CNTN4: variants seen among roughly 807,000 people sequenced by gnomAD.
The protein encoded by CNTN4 is contactin 4.
In CNTN4, 77 loss-of-function variants were observed where a neutral mutation model predicts 122.5. That is an observed-to-expected ratio of 0.63 (90% CI 0.52 to 0.76). CNTN4 has a LOEUF of 0.76. CNTN4 is among the 30% of genes least tolerant of loss of function. The pLI is 0.00. For synonymous variants in CNTN4, 512 were observed against 447.0 expected, an observed-to-expected ratio of 1.15 and a Z score of -1.83; for missense variants, 1,256 against 1,259.1, an observed-to-expected ratio of 1.00 and a Z score of 0.04.
In CNTN4 at chr3:2,795,353, T is replaced by C. The variant is rs2092138201; in HGVS notation, c.359-24133T>C. Among the ~76,000 whole-genome samples the C allele has an allele frequency of 2.6e-5, 4 of 152,190 alleles. No homozygotes were observed. In the South Asian group the frequency reaches 8.3e-4, roughly 32 times the overall value. Reference sequence around the variant, plus strand: ...TCCCCTCTCTTCTCTCCAAAAAACATGGAAAGGAACTTGTGTAACTGGGAT... The same window carrying C: ...TCCCCTCTCTTCTCTCCAAAAAACACGGAAAGGAACTTGTGTAACTGGGAT... On this transcript the variant is annotated intron_variant, in intron 6 of 24. Transcript: ENST00000418658.
intron 3 of CNTN4, among the ~76,000 whole-genome samples, chr3:2,437,786 A>T (rs1039344159): frequency 4.6e-5 from 7 of 152,200 alleles, no homozygotes; most frequent in Non-Finnish European, 1.0e-4. Flanking sequence ...ATCTTTGAAG[A>T]TTCATGACAT....
chr3:2,897,775 T>A lies in CNTN4; in HGVS notation c.941-2910T>A, dbSNP rs932105020. 4.6e-5 allele frequency among the ~76,000 whole-genome samples: 7 copies of A among 152,200 alleles called. 1 individual carries two copies. The highest frequency in any genetic ancestry group is 3.3e-4 in the Admixed American group (5 of 15,276). On this transcript the variant is annotated intron_variant, in intron 10 of 24. Coordinates refer to ENST00000418658, the MANE Select transcript of CNTN4 (RefSeq NM_175607.3). ...GATCAAGTGTGAAATTTTCCACTTG[T>A]GGCATCATGGTGGCCCTCAAAAACT...
intron 6 of CNTN4, among the ~76,000 whole-genome samples, chr3:2,785,164 G>C (rs1382807519): frequency 6.6e-6 from 1 of 150,712 alleles, no homozygotes; most frequent in African/African-American, 2.4e-5. Flanking sequence ...GAGAGAGAGA[G>C]AGAGATTTAA....
intron 3 of CNTN4, among the ~76,000 whole-genome samples, chr3:2,356,877 C>G (rs1208954316): frequency 2.6e-5 from 4 of 152,172 alleles, no homozygotes; most frequent in Non-Finnish European, 5.9e-5. Flanking sequence ...TTTGGAATAT[C>G]TAGCTTCTTA....
intron 4 of CNTN4, among the ~76,000 whole-genome samples, chr3:2,686,080 C>T (rs12489808): frequency 0.48 from 72,998 of 152,036 alleles, 20,173 homozygotes; most frequent in Middle Eastern, 0.62. Flanking sequence ...AACTAGCTCC[C>T]TCACTGTTGG....
intron 4 of CNTN4, among the ~76,000 whole-genome samples, chr3:2,604,394 C>A (rs974250485): frequency 1.3e-5 from 2 of 152,112 alleles, no homozygotes; most frequent in African/African-American, 4.8e-5. Context: ...AAGGTACCAG[C>A]TAGGCTTTGG....
At position 3,053,684 on chromosome 3, in the gene CNTN4, G is replaced by GCAGC. The variant is rs569503001; in HGVS notation, c.2812-119_2812-116dup. 5.9e-4 allele frequency: 540 copies of GCAGC among 917,596 alleles called. No homozygotes were observed. In the African/African-American group the frequency reaches 6.5e-3, roughly 11 times the overall value. 56.8% of individuals were successfully genotyped at this position (917,596 alleles called of 1,614,324 possible). On this transcript the variant is annotated intron_variant, in intron 23 of 24. Coordinates refer to ENST00000418658, the MANE Select transcript of CNTN4 (RefSeq NM_175607.3). ...AAATGAGCCTTCCAAATGCAAGTGG[G>GCAGC]CAGCCAGACAACCTCTACATCCCTG...
chr3:2,366,420 C>G (rs1223221750), intron 3 of CNTN4, among the ~76,000 whole-genome samples: 1 of 152,010 alleles, frequency 6.6e-6, no homozygotes, highest in Admixed American at 6.6e-5. Context: ...TTTCTAATTA[C>G]AATTTTCCTC....
At chr3:2,873,523 G>A (rs1003982148) in intron 8 of CNTN4, among the ~76,000 whole-genome samples, 1 of 152,196 alleles carries the variant, frequency 6.6e-6, no homozygotes, top group African/African-American at 2.4e-5. Flanking sequence ...GACCAAAGGA[G>A]ACCTTTAAAA....
At chr3:2,981,230 G>A (rs749186510) in intron 13 of CNTN4, among the ~76,000 whole-genome samples, 1 of 152,102 alleles carries the variant, frequency 6.6e-6, no homozygotes. Context: ...AGATCACGAG[G>A]TCAGGAGATC....
chr3:2,156,202 C>T (rs1257601242), intron 2 of CNTN4, among the ~76,000 whole-genome samples: 1 of 152,132 alleles, frequency 6.6e-6, no homozygotes, highest in East Asian at 1.9e-4. Flanking sequence ...GCCGTTCCTG[C>T]CTCAGTGCTT....
intron 6 of CNTN4, among the ~76,000 whole-genome samples, chr3:2,777,552 G>C (rs926094737): frequency 1.3e-5 from 2 of 152,182 alleles, no homozygotes; most frequent in Non-Finnish European, 2.9e-5. Flanking sequence ...GACCAATCAA[G>C]GCACCAGATC....
Position 2,184,693 on chromosome 3 carries a change from T to G in CNTN4, c.-145+84054T>G, listed in dbSNP as rs549530174. Among the ~76,000 whole-genome samples the G allele has an allele frequency of 1.1e-3, 160 of 152,224 alleles. 1 individual carries two copies. Among genetic ancestry groups the G allele is most frequent in the African/African-American group, 3.7e-3 (152 of 41,524 alleles). On this transcript the variant is annotated intron_variant, in intron 2 of 24. Transcript: ENST00000418658. ...GGCGAGTTACCCCTCCATCCCTTCA[T>G]GTAAGGACACAACCTCATCCCCTCT... is the stretch of plus-strand genomic sequence containing the variant.
At chr3:2,398,884 G>T (rs1438354691) in intron 3 of CNTN4, among the ~76,000 whole-genome samples, 2 of 151,958 alleles carry the variant, frequency 1.3e-5, no homozygotes, top group African/African-American at 4.8e-5. Flanking sequence ...TATGTATTTG[G>T]ATTTGCAATA....
intron 2 of CNTN4, among the ~76,000 whole-genome samples, chr3:2,172,256 T>G (rs1190085246): frequency 6.6e-6 from 1 of 152,120 alleles, no homozygotes; most frequent in African/African-American, 2.4e-5. Context: ...TTTCAGCAAC[T>G]TAGATGGAGC....
chr3:2,660,015 G>A (rs768477379), intron 4 of CNTN4, among the ~76,000 whole-genome samples: 2 of 152,074 alleles, frequency 1.3e-5, no homozygotes, highest in Non-Finnish European at 2.9e-5. Context: ...ATAGCATGAC[G>A]ATCTGATGCA....
At chr3:2,719,861 G>A (rs537408129) in intron 4 of CNTN4, among the ~76,000 whole-genome samples, 64 of 152,260 alleles carry the variant, frequency 4.2e-4, no homozygotes, top group Non-Finnish European at 8.4e-4. Context: ...AACAATAGTT[G>A]ACAAGTAATC....
intron 2 of CNTN4, among the ~76,000 whole-genome samples, chr3:2,252,872 T>C (rs931517401): frequency 2.6e-5 from 4 of 152,142 alleles, no homozygotes; most frequent in African/African-American, 9.6e-5. Context: ...TAATACTTCT[T>C]TGCTTTTTGG....
intron 15 of CNTN4, among the ~76,000 whole-genome samples, chr3:3,027,514 G>A (rs964644596): frequency 3.3e-5 from 5 of 152,140 alleles, no homozygotes; most frequent in African/African-American, 1.2e-4. Flanking sequence ...ATATCCTGAG[G>A]TCTAGGAAAG....
Sources: allele counts gnomAD v4.1 joint callset (sites outside exome capture counted in the v4.1 genomes callset), GRCh38; gene constraint gnomAD v4.1.1; transcripts MANE v1.5; gene names NCBI Gene and HGNC (gene_info 2026-07-23, HGNC 2026-07-21).